LTF: variants seen among roughly 807,000 people sequenced by gnomAD.
LTF encodes epididymis luminal protein 110.
In LTF, 91 loss-of-function variants were observed where a neutral mutation model predicts 87.2. That is an observed-to-expected ratio of 1.04 (90% confidence interval 0.88 to 1.24). The LOEUF is 1.24. Among genes scored for constraint, LTF ranks in the 50% most tolerant of loss-of-function variants. The pLI, the probability that LTF is intolerant of heterozygous loss-of-function variation, is 0.00. For missense variants in LTF, 901 were observed against 904.3 expected, an observed-to-expected ratio of 1.00 and a Z score of 0.05; for synonymous variants, 378 against 356.1, an observed-to-expected ratio of 1.06 and a Z score of -0.69.
At position 46,443,590 on chromosome 3, in the gene LTF, G is replaced by A; in HGVS notation, c.1514-8C>T. Reference sequence around the variant, plus strand: ...TTTGACTGAAATATTCATCTGGAGAGAAGGAACACGGGGAGTCAGCTCTTC... The same window carrying A: ...TTTGACTGAAATATTCATCTGGAGAAAAGGAACACGGGGAGTCAGCTCTTC... On this transcript the variant is annotated splice_region_variant and splice_polypyrimidine_tract_variant and intron_variant, in intron 12 of 16. Transcript: ENST00000231751. 2 of 1,613,982 alleles carry A rather than the reference G, an allele frequency of 1.2e-6. No homozygotes were observed. The highest frequency in any genetic ancestry group is 1.7e-6 in the Non-Finnish European group (2 of 1,180,020).
At chr3:46,472,488 TTGTGTGTGTGTGTGTGTGTG>T (rs34825595) in intron 1 of LTF, among the ~76,000 whole-genome samples, 3 of 106,890 alleles carry the variant, frequency 2.8e-5, no homozygotes, top group South Asian at 4.4e-4. Flanking sequence ...GAAAAGATTA[TTGTGTGTGTGTGTGTGTGTG>T]TGTGTGTGTG....
intron 16 of LTF, among the ~76,000 whole-genome samples, chr3:46,436,927 C>T (rs1291782495): frequency 1.3e-5 from 2 of 152,250 alleles, no homozygotes; most frequent in Non-Finnish European, 2.9e-5. Context: ...TTACCAGCAG[C>T]ACCCTCTATG....
At chr3:46,450,403 G>A in intron 7 of LTF, 92 bp downstream of exon 7, 1 of 1,354,858 alleles carries the variant, frequency 7.4e-7, no homozygotes, top group Non-Finnish European at 1.0e-6. Flanking sequence ...AAAGCTACAG[G>A]ACTTCTGGAG....
chr3:46,483,813 TA>T (rs1391462996), intron 1 of LTF, among the ~76,000 whole-genome samples: 17 of 151,190 alleles, frequency 1.1e-4, no homozygotes, highest in African/African-American at 3.6e-4. Context: ...TTATTTAGTT[TA>T]AAAAAAAACG....
chr3:46,448,908 G>A lies in LTF; in HGVS notation c.1167C>T (p.Thr389=), dbSNP rs1449429444. The A allele has an allele frequency of 1.9e-6, 3 of 1,613,794 alleles. No homozygotes were observed. The highest frequency in any genetic ancestry group is 1.7e-6 in the Non-Finnish European group (2 of 1,179,934). ...QWSGLSEGSV[T]CSSASTTEDC... is the part of the protein sequence containing the mutation. The stretch of plus-strand genomic sequence containing the variant: ...CCTCTGTGGTGGAGGCCGAGGAGCA[G>A]GTCACGCTGCCTTCGCTCAAGCCAC... The change falls in exon 9 of 17, where the codon ACC becomes ACT. Residue 389 remains threonine (T), a synonymous_variant. Transcript: ENST00000231751.
chr3:46,471,499 T>C (rs1703285973), intron 1 of LTF, among the ~76,000 whole-genome samples: 5 of 152,192 alleles, frequency 3.3e-5, no homozygotes. Context: ...GAAAGGACTG[T>C]GGTTGACTAG....
chr3:46,447,487 G>A, intron 9 of LTF, 89 bp from the exon 10 acceptor site: 1 of 909,704 alleles, frequency 1.1e-6, no homozygotes, highest in South Asian at 1.3e-5. Flanking sequence ...ATGGTTTTCT[G>A]TCAGGTGACC....
Position 46,455,354 on chromosome 3 carries a change from C to T in LTF, c.588G>A (p.Gly196=). The T allele has an allele frequency of 3.1e-6, 5 of 1,613,592 alleles. No homozygotes were observed. The highest frequency in any genetic ancestry group is 3.4e-6 in the Non-Finnish European group (4 of 1,180,026). The part of the protein sequence containing the change: ...PNLCRLCAGT[G]ENKCAFSSQE... Reference sequence around the variant, plus strand: ...GGGAGGAGAAGGCACATTTGTTTTCCCCTGTCCCCGCACACAGGCGACACA... The same window carrying T: ...GGGAGGAGAAGGCACATTTGTTTTCTCCTGTCCCCGCACACAGGCGACACA... The change falls in exon 5 of 17, where the codon GGG becomes GGA. Residue 196 remains glycine, a synonymous_variant. Transcript: ENST00000231751.
intron 4 of LTF, 42 bp downstream of exon 4, chr3:46,455,754 G>T (rs184641990): frequency 6.6e-7 from 1 of 1,521,264 alleles, no homozygotes; most frequent in Non-Finnish European, 8.8e-7. Flanking sequence ...CTGGAATAGA[G>T]CCCCCTGCCT....
At chr3:46,480,517 G>A (rs958614158) in intron 1 of LTF, among the ~76,000 whole-genome samples, 1 of 152,166 alleles carries the variant, frequency 6.6e-6, no homozygotes. Flanking sequence ...AGGCACTAAA[G>A]CTTTTCTCTG....
At chr3:46,469,863 A>G (rs1703261558), upstream of LTF, among the ~76,000 whole-genome samples, 1 of 152,212 alleles carries the variant, frequency 6.6e-6, no homozygotes, top group African/African-American at 2.4e-5. Flanking sequence ...TCATTAGCCA[A>G]CACGTATTGT....
Position 46,441,661 on chromosome 3 carries a change from T to C in LTF, c.1656-178A>G, listed in dbSNP as rs922609077. On this transcript the variant is annotated intron_variant, in intron 13 of 16. Coordinates refer to ENST00000231751, the MANE Select transcript of LTF (RefSeq NM_002343.6). Reference sequence around the variant, plus strand: ...TTGAACACAGGTGTACCTGCCCTCCTTTTAAAACCCTATATAAAAGACATT... The same window carrying C: ...TTGAACACAGGTGTACCTGCCCTCCCTTTAAAACCCTATATAAAAGACATT... 1.2e-5 allele frequency: 7 copies of C among 564,600 alleles called. No homozygotes were observed. The Admixed American group carries it at 2.5e-4, about 20-fold the overall frequency. The allele number at this position is 564,600 out of a possible 1,614,324, so 35.0% of individuals were successfully genotyped here.
intron 1 of LTF, chr3:46,460,472 C>CA: frequency 2.3e-6 from 1 of 436,482 alleles, no homozygotes; most frequent in Non-Finnish European, 4.6e-6. Context: ...GTTGAGCCTG[C>CA]TTTTTTTGCT....
chr3:46,478,456 G>A (rs1326488445), intron 1 of LTF, among the ~76,000 whole-genome samples: 1 of 152,238 alleles, frequency 6.6e-6, no homozygotes, highest in Non-Finnish European at 1.5e-5. Context: ...GCTCTCCACA[G>A]TGCTATCAGC....
chr3:46,440,048 G>T (rs1214047576), intron 14 of LTF, among the ~76,000 whole-genome samples: 1 of 152,242 alleles, frequency 6.6e-6, no homozygotes, highest in Admixed American at 6.5e-5. Flanking sequence ...ATAGGTGCAA[G>T]GGTTTCTTTA....
chr3:46,478,635 G>A (rs1415963949), intron 1 of LTF, among the ~76,000 whole-genome samples: 6 of 152,188 alleles, frequency 3.9e-5, no homozygotes, highest in African/African-American at 1.4e-4. Flanking sequence ...GAAGAGGGTA[G>A]GGCAGAAGAT....
intron 2 of LTF, among the ~76,000 whole-genome samples, chr3:46,456,610 C>T (rs966505871): frequency 5.9e-5 from 9 of 152,286 alleles, no homozygotes; most frequent in South Asian, 2.1e-4. Context: ...CTGAGACTGG[C>T]GCCTGCCCTC....
chr3:46,464,801 G>T lies in LTF; in HGVS notation c.43+24C>A, dbSNP rs764819580. On this transcript the variant is annotated intron_variant, in intron 1 of 16. Coordinates refer to ENST00000231751, the MANE Select transcript of LTF (RefSeq NM_002343.6). ...GCAGGAGACGCCCATCAGGCGGCTC[G>T]CGCCCCCAGGCACCTGCACTCACCG... 1.9e-6 allele frequency: 3 copies of T among 1,613,432 alleles called. No homozygotes were observed. The African/African-American group carries it at 4.0e-5, about 22-fold the overall frequency.
At chr3:46,453,374 G>C (rs537683729) in intron 6 of LTF, among the ~76,000 whole-genome samples, 1 of 152,348 alleles carries the variant, frequency 6.6e-6, no homozygotes, top group East Asian at 1.9e-4. Flanking sequence ...TGTCATTCCA[G>C]ACAGCAGCTT....
Sources: gnomAD v4.1 joint callset for allele counts (sites outside exome capture counted in the v4.1 genomes callset) on GRCh38, gnomAD v4.1.1 for gene constraint, MANE v1.5 for transcripts, NCBI Gene and HGNC (gene_info 2026-07-23, HGNC 2026-07-21) for gene names.